The following ARB2A variants were observed in gnomAD, a reference collection of about 807,000 sequenced individuals.
ARB2A encodes ARB2 cotranscriptional regulator A.
At chr5:93,900,936 G>A in the ARB2A span, among the ~76,000 whole-genome samples, 17 of 152,134 alleles carry the variant, frequency 1.1e-4, no homozygotes, top group Non-Finnish European at 2.2e-4. Context: ...AACCGAAACC[G>A]ACAGCACCCA....
At chr5:93,751,734 G>A in the ARB2A span, among the ~76,000 whole-genome samples, 2 of 152,156 alleles carry the variant, frequency 1.3e-5, no homozygotes, top group East Asian at 1.9e-4. Flanking sequence ...AGAAAGCAAT[G>A]CAGTTTTCTT....
chr5:93,891,601 T>C, the ARB2A span, among the ~76,000 whole-genome samples: 2 of 152,124 alleles, frequency 1.3e-5, no homozygotes, highest in African/African-American at 2.4e-5. Context: ...TTTTGTCTTT[T>C]TGCTGGAACA....
the ARB2A span, among the ~76,000 whole-genome samples, chr5:94,104,237 T>C: frequency 6.7e-6 from 1 of 149,548 alleles, no homozygotes; most frequent in Non-Finnish European, 1.5e-5. Flanking sequence ...AAAGAATAAA[T>C]AAGATTGACA....
At chr5:94,049,323 C>A in the ARB2A span, among the ~76,000 whole-genome samples, 11 of 152,088 alleles carry the variant, frequency 7.2e-5, no homozygotes, top group African/African-American at 2.7e-4. Context: ...ACTTATTAGC[C>A]AAATATCAAT....
chr5:94,032,548 G>A, the ARB2A span, among the ~76,000 whole-genome samples: 3 of 152,156 alleles, frequency 2.0e-5, no homozygotes, highest in South Asian at 2.1e-4. Context: ...AAGACAACAT[G>A]AGATTTGTTG....
the ARB2A span, chr5:93,618,112 T>C: frequency 7.9e-5 from 12 of 151,880 alleles, no homozygotes; most frequent in African/African-American, 2.7e-4. Flanking sequence ...AATGGAAATA[T>C]AATATACAGG....
At chr5:94,024,969 C>G in the ARB2A span, among the ~76,000 whole-genome samples, 1 of 152,210 alleles carries the variant, frequency 6.6e-6, no homozygotes, top group Non-Finnish European at 1.5e-5. Context: ...AGGGCCAACT[C>G]ATGAAAGGTC....
At chr5:93,894,456 T>C in the ARB2A span, among the ~76,000 whole-genome samples, 3 of 151,872 alleles carry the variant, frequency 2.0e-5, no homozygotes, top group Non-Finnish European at 4.4e-5. Context: ...CTTCCAGTAA[T>C]GTATTAAAAT....
chr5:93,781,992 G>T, the ARB2A span: 2 of 925,238 alleles, frequency 2.2e-6, no homozygotes, highest in Non-Finnish European at 2.6e-6. Flanking sequence ...AGGGGAGGAA[G>T]TTTCATCCTG....
chr5:93,666,471 A>T, the ARB2A span, among the ~76,000 whole-genome samples: 2 of 152,044 alleles, frequency 1.3e-5, no homozygotes, highest in African/African-American at 2.4e-5. Context: ...AACTTTTATA[A>T]ATTAATCAAA....
At chr5:94,027,400 C>T in the ARB2A span, among the ~76,000 whole-genome samples, 1 of 152,244 alleles carries the variant, frequency 6.6e-6, no homozygotes, top group South Asian at 2.1e-4. Context: ...ACCCTCACCT[C>T]CAAGGAGGAG....
chr5:94,019,367 A>G, the ARB2A span, among the ~76,000 whole-genome samples: 1 of 152,084 alleles, frequency 6.6e-6, no homozygotes, highest in African/African-American at 2.4e-5. Context: ...AACCTATAGA[A>G]TGGGAAAAAA....
chr5:93,677,050 T>C, the ARB2A span, among the ~76,000 whole-genome samples: 1 of 152,184 alleles, frequency 6.6e-6, no homozygotes, highest in East Asian at 1.9e-4. Flanking sequence ...AAGAATAGTA[T>C]GGAGAAAAGG....
the ARB2A span, among the ~76,000 whole-genome samples, chr5:93,716,766 A>G: frequency 6.6e-6 from 1 of 151,564 alleles, no homozygotes; most frequent in African/African-American, 2.4e-5. Context: ...ATGTTCTCCT[A>G]TATTTTCAAT....
chr5:93,824,104 C>T, the ARB2A span: 6 of 1,479,132 alleles, frequency 4.1e-6, 1 homozygote, highest in Admixed American at 4.3e-5. Context: ...AGGGGATAAA[C>T]CTACAAGGAG....
chr5:93,660,466 T>C, the ARB2A span, among the ~76,000 whole-genome samples: 1 of 152,048 alleles, frequency 6.6e-6, no homozygotes, highest in South Asian at 2.1e-4. Context: ...AGACCAGAGA[T>C]GAGTAAGGGG....
At chr5:93,988,319 C>T in the ARB2A span, among the ~76,000 whole-genome samples, 8 of 151,984 alleles carry the variant, frequency 5.3e-5, no homozygotes, top group Admixed American at 1.3e-4. Context: ...CTACAAGTCC[C>T]TCATCTGGTC....
chr5:93,939,412 C>A, the ARB2A span, among the ~76,000 whole-genome samples: 1 of 152,024 alleles, frequency 6.6e-6, no homozygotes, highest in African/African-American at 2.4e-5. Flanking sequence ...AAGTTGTGTC[C>A]TTTATTTCTA....
chr5:93,627,439 T>TTTG, the ARB2A span, among the ~76,000 whole-genome samples: 110 of 107,930 alleles, frequency 1.0e-3, 2 homozygotes, highest in African/African-American at 5.1e-3. Flanking sequence ...ACAAAATGTG[T>TTTG]TTTGTTTTTT....
Sources: allele counts gnomAD v4.1 joint callset (sites outside exome capture counted in the v4.1 genomes callset), GRCh38; gene constraint gnomAD v4.1.1; transcripts MANE v1.5; gene names NCBI Gene and HGNC (gene_info 2026-07-23, HGNC 2026-07-21).